The following DCC variants were observed in gnomAD, a reference collection of about 807,000 sequenced individuals.
DCC encodes DCC netrin 1 receptor.
A neutral mutation model predicts 172.5 loss-of-function variants in DCC; 58 were observed. The ratio of observed to expected loss-of-function variants is 0.34; its 90% CI spans 0.27 to 0.42. The LOEUF (loss-of-function observed/expected upper bound fraction) is 0.42. DCC is among the 10% of genes least tolerant of loss of function. DCC has a pLI of 1.00. For synonymous variants in DCC, 709 were observed against 644.5 expected, an observed-to-expected ratio of 1.10 and a Z score of -1.52; for missense variants, 1,740 against 1,791.0, an observed-to-expected ratio of 0.97 and a Z score of 0.51.
chr18:53,175,712 T>G (rs2055081845), intron 8 of DCC, among the ~76,000 whole-genome samples: 1 of 152,252 alleles, frequency 6.6e-6, no homozygotes, highest in South Asian at 2.1e-4. Context: ...TCCATGCTCA[T>G]GGGTAGGAGG....
At chr18:53,422,034 C>T (rs1599130987) in intron 21 of DCC, among the ~76,000 whole-genome samples, 1 of 152,100 alleles carries the variant, frequency 6.6e-6, no homozygotes, top group African/African-American at 2.4e-5. Context: ...AATGGAGTCA[C>T]TCATGTCATA....
At chr18:53,405,787 A>C (rs1009999945) in intron 19 of DCC, among the ~76,000 whole-genome samples, 15 of 152,216 alleles carry the variant, frequency 9.9e-5, no homozygotes, top group African/African-American at 3.6e-4. Context: ...AAATGATTAC[A>C]TATTCCTATT....
intron 12 of DCC, among the ~76,000 whole-genome samples, chr18:53,232,760 C>G (rs551682706): frequency 6.6e-6 from 1 of 152,194 alleles, no homozygotes; most frequent in South Asian, 2.1e-4. Context: ...TCCACCATAC[C>G]CAGGCCATAT....
chr18:53,330,088 G>T (rs749235234), intron 14 of DCC, among the ~76,000 whole-genome samples: 2 of 152,156 alleles, frequency 1.3e-5, no homozygotes, highest in Non-Finnish European at 2.9e-5. Context: ...GGAGGGTAAA[G>T]TCATCACATC....
chr18:53,347,514 T>A, intron 15 of DCC, among the ~76,000 whole-genome samples: 1 of 152,208 alleles, frequency 6.6e-6, no homozygotes, highest in East Asian at 1.9e-4. Flanking sequence ...AAAAATAAGA[T>A]GACTTCCTGG....
chr18:53,157,627 C>G, intron 8 of DCC, 115 bp downstream of exon 8: 1 of 1,017,676 alleles, frequency 9.8e-7, no homozygotes, highest in Non-Finnish European at 1.5e-6. Context: ...TGTGAAATCT[C>G]TACTATGTCC....
intron 1 of DCC, among the ~76,000 whole-genome samples, chr18:52,443,158 A>G (rs1988021195): frequency 6.6e-6 from 1 of 152,184 alleles, no homozygotes; most frequent in African/African-American, 2.4e-5. Context: ...CACTATAAAT[A>G]CTGATGTTGA....
rs1296706588 is a variant in DCC at position 52,752,301 on chromosome 18, A to T, written c.339A>T (p.Gly113=). The change falls in exon 2 of 29, where the codon GGA becomes GGT. Residue 113 remains glycine, a synonymous_variant. Transcript: ENST00000442544. ...CCAGACACCACAAGCCAGATGAGGG[A>T]CTTTACCAATGTGAGGCATCTTTAG... The part of the protein sequence containing the change: ...LHSRHHKPDE[G]LYQCEASLGD... The T allele has an allele frequency of 1.9e-6, 3 of 1,614,068 alleles. No individual in the cohort carries two copies. Among genetic ancestry groups the T allele is most frequent in the Non-Finnish European group, 2.5e-6 (3 of 1,180,042 alleles).
chr18:52,946,723 T>G (rs1266317039), intron 5 of DCC, among the ~76,000 whole-genome samples: 1 of 152,154 alleles, frequency 6.6e-6, no homozygotes, highest in African/African-American at 2.4e-5. Flanking sequence ...AAGCCCAAAG[T>G]CCAGGGGTGG....
intron 1 of DCC, among the ~76,000 whole-genome samples, chr18:52,714,318 C>A (rs892516626): frequency 4.6e-5 from 7 of 151,956 alleles, no homozygotes; most frequent in Non-Finnish European, 8.8e-5. Flanking sequence ...GAGTGCATTT[C>A]ATTATTTGAA....
rs895937780 is a variant in DCC, at chr18:53,026,363, A to G, written c.986-36942A>G. Among the ~76,000 whole-genome samples, 3 of 152,200 alleles carry G rather than the reference A, an allele frequency of 2.0e-5. No individual in the cohort carries two copies. In the East Asian group the frequency reaches 5.8e-4, roughly 29 times the overall value. On this transcript the variant is annotated intron_variant, in intron 5 of 28. Transcript: ENST00000442544. ...TTTCCTCCAAGTCTTTTTAGCCATC[A>G]CTTAAAAGTTATGTTATAGAGCATT...
chr18:52,924,974 A>AT (rs3216126), intron 4 of DCC, among the ~76,000 whole-genome samples: 59,005 of 149,956 alleles, frequency 0.39, 12,057 homozygotes, highest in Non-Finnish European at 0.47. Flanking sequence ...ATTATCTATC[A>AT]TTTTTTTTTT....
intron 22 of DCC, among the ~76,000 whole-genome samples, chr18:53,439,070 G>T (rs1351157997): frequency 2.6e-5 from 4 of 152,310 alleles, no homozygotes; most frequent in Middle Eastern, 3.4e-3. Context: ...AATTATTTCA[G>T]GCTGTCTGGC....
intron 5 of DCC, among the ~76,000 whole-genome samples, chr18:52,934,001 C>A (rs1400812434): frequency 1.3e-5 from 2 of 152,042 alleles, no homozygotes; most frequent in African/African-American, 4.8e-5. Flanking sequence ...AAGATCCCCT[C>A]CTAGCCTTCA....
At chr18:53,141,711 T>C (rs1005587214) in intron 7 of DCC, among the ~76,000 whole-genome samples, 2 of 152,254 alleles carry the variant, frequency 1.3e-5, no homozygotes, top group East Asian at 3.8e-4. Context: ...TGTTTTGTTT[T>C]GTAGCTTTCT....
At chr18:52,605,159 G>A (rs1000334099) in intron 1 of DCC, among the ~76,000 whole-genome samples, 4 of 151,862 alleles carry the variant, frequency 2.6e-5, no homozygotes, top group African/African-American at 9.7e-5. Context: ...TACTTTATTA[G>A]GTCTGTTTGA....
At chr18:52,393,097 T>C (rs979642457) in intron 1 of DCC, among the ~76,000 whole-genome samples, 12 of 152,124 alleles carry the variant, frequency 7.9e-5, no homozygotes, top group African/African-American at 2.4e-5. Context: ...GCTTTCACTG[T>C]GGGATGAGAT....
Position 53,530,799 on chromosome 18 carries a change from G to A in DCC, c.*146G>A, listed in dbSNP as rs1344699069. The A allele has an allele frequency of 4.2e-6, 3 of 708,084 alleles. No individual in the cohort carries two copies. The highest frequency in any genetic ancestry group is 7.8e-6 in the Non-Finnish European group (3 of 384,140). The allele number at this position is 708,084 out of a possible 1,614,324, so 43.9% of individuals were successfully genotyped here. On this transcript the variant is annotated 3_prime_UTR_variant, in exon 29 of 29. Coordinates refer to ENST00000442544, the MANE Select transcript of DCC (RefSeq NM_005215.4). ...CTCAGTTAAGGAAGATCCTGAAGCA[G>A]TTCAGAAGGAATAAGCATTCCTTCT...
intron 1 of DCC, among the ~76,000 whole-genome samples, chr18:52,591,787 C>CTTTTTTTTTTTTTTTTT (rs370150482): frequency 1.6e-5 from 2 of 125,134 alleles, no homozygotes; most frequent in Non-Finnish European, 1.7e-5. Context: ...TTATTTATTT[C>CTTTTTTTTTTTTTTTTT]TTTTTTTTTT....
Sources: allele counts gnomAD v4.1 joint callset (sites outside exome capture counted in the v4.1 genomes callset), GRCh38; gene constraint gnomAD v4.1.1; transcripts MANE v1.5; gene names NCBI Gene and HGNC (gene_info 2026-07-23, HGNC 2026-07-21).